The following GRIK4 variants were observed in gnomAD, a reference collection of about 807,000 sequenced individuals.
GRIK4 encodes glutamate ionotropic receptor kainate type subunit 4.
In GRIK4, 40 loss-of-function variants were observed where a neutral mutation model predicts 104.9. That is an observed-to-expected ratio of 0.38 (90% confidence interval 0.30 to 0.50). The LOEUF (loss-of-function observed/expected upper bound fraction) is 0.50. Among genes scored for constraint, GRIK4 ranks in the 20% least tolerant of loss-of-function variants. The probability of loss-of-function intolerance (pLI) is 0.93; values close to 1 mark genes in which losing one functional copy is unlikely to be tolerated. For synonymous variants in GRIK4, 485 were observed against 524.9 expected (o/e 0.92, Z 1.04); for missense variants, 1,047 against 1,308.1 (o/e 0.80, Z 3.08).
At chr11:120,793,642 G>T (rs1006761865) in intron 3 of GRIK4, among the ~76,000 whole-genome samples, 9 of 152,020 alleles carry the variant, frequency 5.9e-5, no homozygotes, top group African/African-American at 2.2e-4. Flanking sequence ...CCCAGCAATG[G>T]TTACAGGTGA....
chr11:120,898,446 C>A, intron 11 of GRIK4, 86 bp from the exon 12 acceptor site: 1 of 760,744 alleles, frequency 1.3e-6, no homozygotes, highest in Non-Finnish European at 2.4e-6. Flanking sequence ...ACATGCAGCC[C>A]AGCCAGAGGC....
At position 120,698,029 on chromosome 11, in the gene GRIK4, G is replaced by T. The variant is rs1251793457; in HGVS notation, c.82+37629G>T. Among the ~76,000 whole-genome samples, 3 of 152,158 alleles carry T rather than the reference G, an allele frequency of 2.0e-5. 1 individual carries two copies. Among genetic ancestry groups the T allele is most frequent in the Non-Finnish European group, 4.4e-5 (3 of 68,042 alleles). On this transcript the variant is annotated intron_variant, in intron 3 of 20. Coordinates refer to ENST00000527524, the MANE Select transcript of GRIK4 (RefSeq NM_014619.5). The stretch of plus-strand genomic sequence containing the variant: ...TTGGCCAGAGCTAAGGTGACATCAA[G>T]GCAGGGGGGCAGTGTGCCAAGAGGT...
intron 11 of GRIK4, among the ~76,000 whole-genome samples, chr11:120,895,224 A>C (rs1942545669): frequency 6.6e-6 from 1 of 152,084 alleles, no homozygotes. Context: ...CCTTGAGAAC[A>C]GTGGCGGTGG....
intron 3 of GRIK4, among the ~76,000 whole-genome samples, chr11:120,747,023 C>T (rs1283540933): frequency 6.6e-6 from 1 of 152,120 alleles, no homozygotes; most frequent in Non-Finnish European, 1.5e-5. Flanking sequence ...TGAGATCATC[C>T]CTGGCTTTTT....
chr11:120,637,097 G>T (rs1949407545), intron 1 of GRIK4, among the ~76,000 whole-genome samples: 1 of 151,846 alleles, frequency 6.6e-6, no homozygotes, highest in South Asian at 2.1e-4. Context: ...AAGAATAGAA[G>T]AGAAGATGCA....
At chr11:120,936,098 G>T in intron 13 of GRIK4, 41 of 202,134 alleles carry the variant, frequency 2.0e-4, no homozygotes, top group South Asian at 5.6e-4. Flanking sequence ...CTTGTTTTCC[G>T]CCTCTTCCTT....
chr11:120,900,662 C>T lies in GRIK4; in HGVS notation c.1272+2023C>T, dbSNP rs149390249. Among the ~76,000 whole-genome samples the T allele has an allele frequency of 1.7e-4, 26 of 152,154 alleles. 1 individual carries two copies. The highest frequency in any genetic ancestry group is 4.8e-4 in the African/African-American group (20 of 41,500). ...TACCCAGGGGTCAGGGTGGCCTCTC[C>T]GAGAAAGGGAGCATTGAGCAGAGAC... On this transcript the variant is annotated intron_variant, in intron 12 of 20. Coordinates refer to ENST00000527524, the MANE Select transcript of GRIK4 (RefSeq NM_014619.5).
At chr11:120,756,309 C>T (rs1591873383) in intron 3 of GRIK4, among the ~76,000 whole-genome samples, 1 of 152,204 alleles carries the variant, frequency 6.6e-6, no homozygotes, top group African/African-American at 2.4e-5. Flanking sequence ...CTAGCCTGCT[C>T]TTGCCCCTCT....
At chr11:120,826,713 C>T (rs1211153754) in intron 6 of GRIK4, among the ~76,000 whole-genome samples, 1 of 152,228 alleles carries the variant, frequency 6.6e-6, no homozygotes, top group Non-Finnish European at 1.5e-5. Context: ...CAAGAAGCCT[C>T]AGCTGGCTCC....
Position 120,906,823 on chromosome 11 carries a change from C to A in GRIK4, c.1476+1330C>A, listed in dbSNP as rs111688802. Among the ~76,000 whole-genome samples the A allele has an allele frequency of 4.8e-3, 731 of 152,272 alleles. 5 individuals carry two copies. The highest frequency in any genetic ancestry group is 0.017 in the African/African-American group (706 of 41,542). ...CAATGACCGAGCAGGGTAAAATGGC[C>A]AGCCTTGTTCTGGGAATTCTGAACG... On this transcript the variant is annotated intron_variant, in intron 13 of 20. Coordinates refer to ENST00000527524, the MANE Select transcript of GRIK4 (RefSeq NM_014619.5).
At chr11:120,800,696 A>G (rs1952606085) in intron 3 of GRIK4, among the ~76,000 whole-genome samples, 2 of 152,226 alleles carry the variant, frequency 1.3e-5, no homozygotes. Context: ...GCATGTAAAT[A>G]AATCCACAAA....
chr11:120,942,249 C>G (rs1338641814), intron 14 of GRIK4, among the ~76,000 whole-genome samples: 1 of 152,156 alleles, frequency 6.6e-6, no homozygotes, highest in Non-Finnish European at 1.5e-5. Flanking sequence ...GAGGGCTGAG[C>G]CTGGAACCCA....
At chr11:120,731,395 C>CTA in intron 3 of GRIK4, among the ~76,000 whole-genome samples, 1 of 152,016 alleles carries the variant, frequency 6.6e-6, no homozygotes, top group South Asian at 2.1e-4. Context: ...TGTTGAACTC[C>CTA]CTTGCATCCC....
intron 1 of GRIK4, among the ~76,000 whole-genome samples, chr11:120,571,452 C>T (rs1948397777): frequency 6.6e-6 from 1 of 152,208 alleles, no homozygotes; most frequent in African/African-American, 2.4e-5. Flanking sequence ...AGTCCCTCAT[C>T]TTGCTGGAAG....
chr11:120,847,620 A>G (rs1285017253), intron 8 of GRIK4, among the ~76,000 whole-genome samples: 2 of 152,266 alleles, frequency 1.3e-5, no homozygotes, highest in East Asian at 3.8e-4. Flanking sequence ...GCCTTAACCA[A>G]GGAAGCAGAT....
intron 16 of GRIK4, among the ~76,000 whole-genome samples, chr11:120,960,128 A>AG (rs1184596588): frequency 1.1e-4 from 16 of 152,342 alleles, no homozygotes; most frequent in Non-Finnish European, 1.8e-4. Context: ...CAAGAGATAG[A>AG]GACCATCCTG....
chr11:120,872,081 A>G, intron 9 of GRIK4: 2 of 366,668 alleles, frequency 5.5e-6, no homozygotes, highest in Admixed American at 6.9e-5. Flanking sequence ...CGGCTTCCTG[A>G]GCACCTGCTA....
chr11:120,981,821 C>A (rs921553576), intron 19 of GRIK4, among the ~76,000 whole-genome samples: 7 of 152,170 alleles, frequency 4.6e-5, no homozygotes, highest in Admixed American at 2.6e-4. Flanking sequence ...AAATGGTCCT[C>A]ACCTCCCAGC....
chr11:120,651,567 G>T (rs183648188), intron 1 of GRIK4, among the ~76,000 whole-genome samples: 1 of 152,306 alleles, frequency 6.6e-6, no homozygotes, highest in Admixed American at 6.5e-5. Context: ...ACCCACAGTT[G>T]TAGTGCTCAG....
Sources: gnomAD v4.1 joint callset for allele counts (sites outside exome capture counted in the v4.1 genomes callset) on GRCh38, gnomAD v4.1.1 for gene constraint, MANE v1.5 for transcripts, NCBI Gene and HGNC (gene_info 2026-07-23, HGNC 2026-07-21) for gene names.